Variants in FANCI observed in about 807,000 individuals in gnomAD.
FANCI encodes FA complementation group I, also known as Fanconi anemia group I protein.
Under a neutral mutation model 176.1 loss-of-function variants are expected in FANCI, and 156 were observed. The observed-to-expected ratio is 0.89, with a 90% CI of 0.78 to 1.01. The LOEUF is 1.01. Among genes scored for constraint, FANCI ranks in the 50% least tolerant of loss-of-function variants. FANCI has a pLI of 0.00. For missense variants in FANCI, 1,678 were observed against 1,534.1 expected (o/e 1.09, Z -1.57); for synonymous variants, 613 against 541.7 (o/e 1.13, Z -1.83).
At chr15:89,309,783 C>G (rs972860265) in intron 34 of FANCI, among the ~76,000 whole-genome samples, 21 of 152,102 alleles carry the variant, frequency 1.4e-4, no homozygotes, top group African/African-American at 4.1e-4. Flanking sequence ...CAGACCTATT[C>G]AAGAACATTT....
chr15:89,314,719 C>T lies in FANCI; in HGVS notation c.3816+12C>T, dbSNP rs1421826223. 3.2e-6 allele frequency: 5 copies of T among 1,570,986 alleles called. No homozygotes were observed. The highest frequency in any genetic ancestry group is 4.4e-6 in the Non-Finnish European group (5 of 1,140,850). The stretch of plus-strand genomic sequence containing the variant: ...CTAAGAAGTCCAAGGTAAACATTCT[C>T]TTATTATGTGCTACCATTCCCATTT... On this transcript the variant is annotated intron_variant, in intron 36 of 37. Transcript: ENST00000310775.
At chr15:89,311,571 T>G (rs2054963831) in intron 34 of FANCI, among the ~76,000 whole-genome samples, 1 of 152,144 alleles carries the variant, frequency 6.6e-6, no homozygotes, top group South Asian at 2.1e-4. Flanking sequence ...ACTTGGTCAG[T>G]GAGGTCGATC....
chr15:89,282,966 C>T, intron 16 of FANCI, 170 bp from the exon 17 acceptor site: 7 of 676,818 alleles, frequency 1.0e-5, no homozygotes, highest in African/African-American at 5.4e-5. Flanking sequence ...CTATAAATTG[C>T]TTTGAACAGC....
chr15:89,299,048 C>G (rs2054426292), intron 24 of FANCI, among the ~76,000 whole-genome samples: 1 of 151,834 alleles, frequency 6.6e-6, no homozygotes, highest in Non-Finnish European at 1.5e-5. Context: ...GTGGTATGCA[C>G]TTGTAGTCCC....
rs530147842 is a variant in FANCI at position 89,294,755 on chromosome 15, G to C, written c.2457-160G>C. Among the ~76,000 whole-genome samples, 13 of 152,358 alleles carry C rather than the reference G, an allele frequency of 8.5e-5. No individual in the cohort carries two copies. In the East Asian group the frequency reaches 2.5e-3, roughly 29 times the overall value. ...ATTATAAAAGGGCAGCCATAGCAGTGACTATAGCTTGGGCTGCCTAGAGAG... is the reference window on the plus strand; with the variant it reads ...ATTATAAAAGGGCAGCCATAGCAGTCACTATAGCTTGGGCTGCCTAGAGAG... On this transcript the variant is annotated intron_variant, in intron 23 of 37. Coordinates refer to ENST00000310775, the MANE Select transcript of FANCI (RefSeq NM_001113378.2).
chr15:89,268,929 CTAG>C (rs1225729389), intron 10 of FANCI, among the ~76,000 whole-genome samples: 2 of 152,030 alleles, frequency 1.3e-5, no homozygotes, highest in East Asian at 3.9e-4. Flanking sequence ...GATGTTGCAT[CTAG>C]TAGTATATCG....
intron 3 of FANCI, 123 bp downstream of exon 3, chr15:89,258,899 C>G: frequency 1.3e-6 from 1 of 778,882 alleles, no homozygotes; most frequent in South Asian, 1.4e-5. Context: ...GAGGATTCTA[C>G]AGAATCAACT....
At position 89,261,712 on chromosome 15, in the gene FANCI, C is replaced by A; in HGVS notation, c.416C>A (p.Thr139Lys). The change falls in exon 5 of 38, where the codon ACG (threonine) becomes AAG (lysine). Residue 139 changes from threonine (T) to lysine (K), a missense_variant. Thr to Lys is a moderately conservative substitution (Grantham distance 78). Coordinates refer to ENST00000310775, the MANE Select transcript of FANCI (RefSeq NM_001113378.2). ...CCTATCATTCTCACTGCCCTGGCTA[C>A]GAAAAAGGAAAATCTGGCTTATGGA... is the stretch of plus-strand genomic sequence containing the variant. Reference protein sequence around the residue: ...LLPIILTALATKKENLAYGKG... With the variant: ...LLPIILTALAKKKENLAYGKG... The A allele has an allele frequency of 5.0e-6, 8 of 1,614,024 alleles. No homozygotes were observed. Among genetic ancestry groups the A allele is most frequent in the Non-Finnish European group, 6.8e-6 (8 of 1,179,984 alleles).
chr15:89,268,310 A>G (rs1276924287), intron 9 of FANCI, 89 bp from the exon 10 acceptor site: 1 of 1,394,524 alleles, frequency 7.2e-7, no homozygotes, highest in Non-Finnish European at 1.0e-6. Flanking sequence ...GGATCAAGTG[A>G]TGCGCCCGCC....
chr15:89,246,911 G>A (rs1426381745), intron 1 of FANCI, among the ~76,000 whole-genome samples: 1 of 150,968 alleles, frequency 6.6e-6, no homozygotes, highest in Non-Finnish European at 1.5e-5. Context: ...GACTATAGGC[G>A]CCCGCCACCA....
chr15:89,281,374 G>T, intron 15 of FANCI, 74 bp downstream of exon 15: 2 of 1,536,812 alleles, frequency 1.3e-6, no homozygotes, highest in South Asian at 1.1e-5. Flanking sequence ...ATGCATTTTT[G>T]TATAAATATA....
intron 17 of FANCI, among the ~76,000 whole-genome samples, chr15:89,284,220 T>G (rs1236162305): frequency 6.6e-6 from 1 of 152,228 alleles, no homozygotes; most frequent in Non-Finnish European, 1.5e-5. Context: ...GAACATATAT[T>G]ACACCTTGTA....
In FANCI at chr15:89,317,077, T is replaced by C; in HGVS notation, c.*618T>C. On this transcript the variant is annotated 3_prime_UTR_variant, in exon 38 of 38. Coordinates refer to ENST00000310775, the MANE Select transcript of FANCI (RefSeq NM_001113378.2). Reference sequence around the variant, plus strand: ...GTATTTAAAGCACAGTTTGTTTTTCTGTCACCTATAGAGTGCAAGAATGCA... The same window carrying C: ...GTATTTAAAGCACAGTTTGTTTTTCCGTCACCTATAGAGTGCAAGAATGCA... The C allele has an allele frequency of 1.7e-6, 1 of 590,638 alleles. No homozygotes were observed. Among genetic ancestry groups the C allele is most frequent in the Non-Finnish European group, 3.0e-6 (1 of 334,470 alleles). The allele number at this position is 590,638 out of a possible 1,614,324, so 36.6% of individuals were successfully genotyped here.
chr15:89,272,713 T>C (rs917846858), intron 10 of FANCI, among the ~76,000 whole-genome samples: 1 of 152,126 alleles, frequency 6.6e-6, no homozygotes, highest in African/African-American at 2.4e-5. Context: ...TAAGGACTTT[T>C]TTGGGGGATG....
chr15:89,287,309 T>G (rs2053858293), intron 18 of FANCI, among the ~76,000 whole-genome samples: 1 of 152,198 alleles, frequency 6.6e-6, no homozygotes, highest in Non-Finnish European at 1.5e-5. Context: ...GCTTCTTTCC[T>G]TAAACCTCAT....
At chr15:89,314,058 GAC>G (rs544351534) in intron 35 of FANCI, among the ~76,000 whole-genome samples, 919 of 62,194 alleles carry the variant, frequency 0.015, 21 homozygotes, top group African/African-American at 0.051. Context: ...TATAATCACA[GAC>G]ACACACACAC....
chr15:89,311,654 A>C lies in FANCI; in HGVS notation c.3652-1250A>C, dbSNP rs184266609. 2.1e-3 allele frequency among the ~76,000 whole-genome samples: 325 copies of C among 152,200 alleles called. 2 individuals are homozygous for C. Among genetic ancestry groups the C allele is most frequent in the Middle Eastern group, 6.8e-3 (2 of 294 alleles). On this transcript the variant is annotated intron_variant, in intron 34 of 37. Coordinates refer to ENST00000310775, the MANE Select transcript of FANCI (RefSeq NM_001113378.2). ...CTCTACCCTGCCTTCCAGGGCCAAA[A>C]ACAGATTACTGCATACCAGCCCCTC...
chr15:89,286,287 C>G (rs2053814290), intron 18 of FANCI, among the ~76,000 whole-genome samples: 2 of 152,232 alleles, frequency 1.3e-5, no homozygotes, highest in South Asian at 4.1e-4. Flanking sequence ...GCCACCATGC[C>G]TGGCCTAACT....
intron 2 of FANCI, among the ~76,000 whole-genome samples, chr15:89,253,284 T>G (rs1217595841): frequency 6.6e-6 from 1 of 152,150 alleles, no homozygotes; most frequent in Non-Finnish European, 1.5e-5. Context: ...ATAGATGAAA[T>G]TAGATGTGTT....
Sources: gnomAD v4.1 joint callset for allele counts (sites outside exome capture counted in the v4.1 genomes callset) on GRCh38, gnomAD v4.1.1 for gene constraint, MANE v1.5 for transcripts, NCBI Gene and HGNC (gene_info 2026-07-23, HGNC 2026-07-21) for gene names.